Variants in ABCB7 observed in about 807,000 individuals in gnomAD.
ABCB7 encodes the protein ATP binding cassette subfamily B member 7, also known as iron-sulfur clusters transporter ABCB7, mitochondrial.
A neutral mutation model predicts 54.4 loss-of-function variants in ABCB7; 7 were observed. The observed-to-expected ratio is 0.13, with a 90% CI of 0.07 to 0.24. ABCB7 has a LOEUF of 0.24. Ranked by LOEUF, ABCB7 falls within the 10% of genes least tolerant of loss-of-function variation. ABCB7 has a pLI of 1.00. For missense variants in ABCB7, 356 were observed against 570.4 expected (o/e 0.62, Z 3.83); for synonymous variants, 218 against 207.1 (o/e 1.05, Z -0.45).
intron 1 of ABCB7, among the ~76,000 whole-genome samples, chrX:75,149,871 A>T (rs2147583212): frequency 9.0e-6 from 1 of 111,214 alleles, no homozygotes; most frequent in African/African-American, 3.3e-5. Flanking sequence ...GGTGTGGCAT[A>T]AAAAAAAGAA....
intron 13 of ABCB7, 110 bp from the exon 14 acceptor site, chrX:75,062,541 C>A: frequency 1.8e-6 from 1 of 567,970 alleles, no homozygotes; most frequent in South Asian, 2.5e-5. Context: ...TTTCCTTATT[C>A]TCCTGATCAC....
chrX:75,069,568 A>G lies in ABCB7; in HGVS notation c.1366-114T>C, dbSNP rs192930091. ...GATATAATGGAAAAGAAGGAGGTTT[A>G]TAAGTGGACTTAGACCACTTCCAAG... On this transcript the variant is annotated intron_variant, in intron 10 of 15. Transcript: ENST00000373394. 1.1e-3 allele frequency: 934 copies of G among 823,441 alleles called. 5 individuals are homozygous for G. The African/African-American group carries it at 0.017, about 15-fold the overall frequency. The allele number at this position is 823,441 out of a possible 1,213,427, so 67.9% of individuals were successfully genotyped here.
intron 4 of ABCB7, among the ~76,000 whole-genome samples, chrX:75,079,730 G>A (rs1395681805): frequency 9.0e-6 from 1 of 111,459 alleles, no homozygotes; most frequent in African/African-American, 3.3e-5. Flanking sequence ...TGTGTAGTAC[G>A]TATGTGTCTG....
At chrX:75,069,517 A>G in intron 10 of ABCB7, 63 bp from the exon 11 acceptor site, 4 of 1,092,757 alleles carry the variant, frequency 3.7e-6, no homozygotes, top group Non-Finnish European at 1.3e-6. Context: ...TACGAAGACA[A>G]TTTTCTAATT....
Position 75,118,155 on chromosome X carries a change from C to T in ABCB7, c.169-3324G>A, listed in dbSNP as rs764102184. On this transcript the variant is annotated intron_variant, in intron 1 of 15. Transcript: ENST00000373394. ...GACAGCCCAGCAAACTGGTCAGTCACGTCCTTGGAAGCTTGACCTTGTAAC... is the reference window on the plus strand; with the variant it reads ...GACAGCCCAGCAAACTGGTCAGTCATGTCCTTGGAAGCTTGACCTTGTAAC... Among the ~76,000 whole-genome samples, 8 of 111,797 alleles carry T rather than the reference C, an allele frequency of 7.2e-5. No individual in the cohort carries two copies. The South Asian group carries it at 2.7e-3, about 37-fold the overall frequency.
intron 1 of ABCB7, among the ~76,000 whole-genome samples, chrX:75,134,024 T>C (rs1023831633): frequency 8.9e-6 from 1 of 112,246 alleles, no homozygotes; most frequent in African/African-American, 3.2e-5. Context: ...GCTACACTTA[T>C]AAGGCAAACA....
intron 14 of ABCB7, among the ~76,000 whole-genome samples, chrX:75,061,979 T>C (rs1184199616): frequency 8.9e-6 from 1 of 112,547 alleles, no homozygotes; most frequent in Non-Finnish European, 1.9e-5. Flanking sequence ...TAATGAGTGT[T>C]AAGTGGCAAT....
At chrX:75,090,955 A>C (rs933422469) in intron 4 of ABCB7, among the ~76,000 whole-genome samples, 2 of 111,587 alleles carry the variant, frequency 1.8e-5, no homozygotes, top group African/African-American at 6.5e-5. Flanking sequence ...TCTATTAAAT[A>C]AATTGATTCA....
intron 1 of ABCB7, among the ~76,000 whole-genome samples, chrX:75,132,795 C>G (rs1304952297): frequency 8.9e-6 from 1 of 112,413 alleles, no homozygotes; most frequent in Non-Finnish European, 1.9e-5. Flanking sequence ...CGAATAAAGA[C>G]CCTGCGGCAA....
chrX:75,057,886 G>A (rs906112613), intron 15 of ABCB7, among the ~76,000 whole-genome samples: 1 of 110,945 alleles, frequency 9.0e-6, no homozygotes, highest in South Asian at 3.9e-4. Flanking sequence ...CTTGGAGCCA[G>A]TGGCACAAGA....
intron 1 of ABCB7, among the ~76,000 whole-genome samples, chrX:75,148,331 A>T (rs1011112570): frequency 1.8e-5 from 2 of 110,647 alleles, no homozygotes; most frequent in African/African-American, 6.6e-5. Flanking sequence ...CTGTGTATCC[A>T]TAATAGCAAA....
chrX:75,121,601 G>A (rs1318275166), intron 1 of ABCB7, among the ~76,000 whole-genome samples: 2 of 111,558 alleles, frequency 1.8e-5, no homozygotes, highest in Non-Finnish European at 3.8e-5. Flanking sequence ...CAAAAATCAA[G>A]ATCAGTATTC....
rs143818591 is a variant in ABCB7, at chrX:75,096,715, C to T, written c.453+2227G>A. Among the ~76,000 whole-genome samples, 331 of 110,878 alleles carry T rather than the reference C, an allele frequency of 3.0e-3. 1 individual carries two copies. The highest frequency in any genetic ancestry group is 9.9e-3 in the African/African-American group (302 of 30,552). On this transcript the variant is annotated intron_variant, in intron 4 of 15. Transcript: ENST00000373394. Reference sequence around the variant, plus strand: ...TCCAAAACCAAGATCTTCATTTTCCCCAAACAAGACCTTCTGATTATACCC... The same window carrying T: ...TCCAAAACCAAGATCTTCATTTTCCTCAAACAAGACCTTCTGATTATACCC...
chrX:75,063,190 T>C (rs1015377561), intron 13 of ABCB7, among the ~76,000 whole-genome samples: 4 of 111,277 alleles, frequency 3.6e-5, no homozygotes, highest in African/African-American at 1.3e-4. Flanking sequence ...TTAGAAAGTA[T>C]TTCTTAAATA....
intron 4 of ABCB7, among the ~76,000 whole-genome samples, chrX:75,098,631 T>G (rs747956205): frequency 9.0e-6 from 1 of 111,519 alleles, no homozygotes; most frequent in East Asian, 2.8e-4. Flanking sequence ...TATGTATTAT[T>G]TCGGAGCCAA....
At chrX:75,114,914 A>T in intron 1 of ABCB7, 83 bp from the exon 2 acceptor site, 1 of 830,707 alleles carries the variant, frequency 1.2e-6, no homozygotes, top group African/African-American at 2.0e-5. Context: ...TCATAAACAT[A>T]CAGAAAATTA....
intron 3 of ABCB7, among the ~76,000 whole-genome samples, chrX:75,104,046 AGTTTTTTTTT>A: frequency 7.4e-5 from 1 of 13,545 alleles, no homozygotes; most frequent in Non-Finnish European, 1.4e-4. Context: ...GTCTTGTTAC[AGTTTTTTTTT>A]TTTTTTTTTT....
At chrX:75,094,802 A>G (rs1164248731) in intron 4 of ABCB7, among the ~76,000 whole-genome samples, 3 of 111,284 alleles carry the variant, frequency 2.7e-5, no homozygotes, top group African/African-American at 9.8e-5. Context: ...ATGGTAAAAA[A>G]AATACATTAC....
At chrX:75,061,837 T>C (rs1242594289) in intron 14 of ABCB7, among the ~76,000 whole-genome samples, 1 of 112,261 alleles carries the variant, frequency 8.9e-6, no homozygotes, top group Non-Finnish European at 1.9e-5. Flanking sequence ...TCCAGTGAAA[T>C]GAATACAAAT....
Sources: gnomAD v4.1 joint callset for allele counts (sites outside exome capture counted in the v4.1 genomes callset) on GRCh38, gnomAD v4.1.1 for gene constraint, MANE v1.5 for transcripts, NCBI Gene and HGNC (gene_info 2026-07-23, HGNC 2026-07-21) for gene names.